Variants in TLK1 observed in about 807,000 individuals in gnomAD.
The protein encoded by TLK1 is serine/threonine-protein kinase tousled-like 1.
A neutral mutation model predicts 105.3 loss-of-function variants in TLK1; 24 were observed. That is an observed-to-expected ratio of 0.23 (90% CI 0.17 to 0.32). The LOEUF (loss-of-function observed/expected upper bound fraction) is 0.32, where lower values mean the gene tolerates loss of function less well. TLK1 is among the 10% of genes least tolerant of loss of function. The pLI is 1.00. For missense variants in TLK1, 558 were observed against 910.5 expected, an observed-to-expected ratio of 0.61 and a Z score of 4.98; for synonymous variants, 321 against 310.4, an observed-to-expected ratio of 1.03 and a Z score of -0.36.
intron 1 of TLK1, among the ~76,000 whole-genome samples, chr2:171,132,166 C>A (rs1478104951): frequency 6.6e-6 from 1 of 152,168 alleles, no homozygotes; most frequent in Non-Finnish European, 1.5e-5. Flanking sequence ...AGGAAACTTA[C>A]AATCATGGCC....
At chr2:171,119,765 C>T (rs1325722043) in intron 1 of TLK1, among the ~76,000 whole-genome samples, 1 of 152,138 alleles carries the variant, frequency 6.6e-6, no homozygotes, top group African/African-American at 2.4e-5. Context: ...AACTGGATAT[C>T]CACATGCAAA....
chr2:171,000,905 C>A (rs1040278765), intron 18 of TLK1, among the ~76,000 whole-genome samples: 2 of 152,162 alleles, frequency 1.3e-5, no homozygotes, highest in Non-Finnish European at 2.9e-5. Context: ...TCTCATCTGG[C>A]ACCAGTTTGG....
rs71008752 is a variant in TLK1 at position 171,123,057 on chromosome 2, TACACAC to T, written c.140-5206_140-5201del. Among the ~76,000 whole-genome samples the T allele has an allele frequency of 3.4e-3, 486 of 141,330 alleles. 4 individuals are homozygous for T. Among genetic ancestry groups the T allele is most frequent in the African/African-American group, 0.011 (422 of 38,634 alleles). 92.7% of individuals were successfully genotyped at this position (141,330 alleles called of 152,430 possible). On this transcript the variant is annotated intron_variant, in intron 1 of 20. Coordinates refer to ENST00000431350, the MANE Select transcript of TLK1 (RefSeq NM_012290.5). ...CTATATGAAAAAATAAATAAATAAA[TACACAC>T]ACACACACACACACACACACACACT...
At chr2:171,064,346 T>C (rs1417442785) in intron 3 of TLK1, among the ~76,000 whole-genome samples, 2 of 152,146 alleles carry the variant, frequency 1.3e-5, no homozygotes, top group Non-Finnish European at 2.9e-5. Flanking sequence ...TATTTTAATA[T>C]TGAGATTCCA....
At chr2:171,200,219 A>G (rs1465429815) in intron 1 of TLK1, among the ~76,000 whole-genome samples, 1 of 152,238 alleles carries the variant, frequency 6.6e-6, no homozygotes, top group African/African-American at 2.4e-5. Context: ...ACTATTTGTC[A>G]GCATTCCACA....
intron 1 of TLK1, among the ~76,000 whole-genome samples, chr2:171,120,248 G>GA (rs71008751): frequency 0.037 from 1,719 of 46,838 alleles, 27 homozygotes; most frequent in East Asian, 0.055. Context: ...GACTCCGTCA[G>GA]AAAAAAAAAA....
intron 1 of TLK1, among the ~76,000 whole-genome samples, chr2:171,134,725 CTTTTTTTT>C (rs572825171): frequency 9.6e-6 from 1 of 103,810 alleles, no homozygotes; most frequent in Non-Finnish European, 1.8e-5. Context: ...ACTATTTGGC[CTTTTTTTT>C]TTTTTTTTTT....
intron 11 of TLK1, among the ~76,000 whole-genome samples, chr2:171,038,890 T>C (rs1296550586): frequency 2.0e-5 from 3 of 152,218 alleles, no homozygotes; most frequent in Admixed American, 2.0e-4. Flanking sequence ...TTTGTAATGC[T>C]TTATTTTTAT....
intron 1 of TLK1, among the ~76,000 whole-genome samples, chr2:171,153,603 C>A (rs1229493268): frequency 6.6e-6 from 1 of 152,040 alleles, no homozygotes; most frequent in Non-Finnish European, 1.5e-5. Flanking sequence ...ATAAATAAAA[C>A]TATAATAAAA....
intron 3 of TLK1, among the ~76,000 whole-genome samples, chr2:171,074,259 G>T: frequency 6.6e-6 from 1 of 152,106 alleles, no homozygotes; most frequent in East Asian, 1.9e-4. Context: ...TTGCTTTCAA[G>T]ACATCATTAC....
At chr2:171,011,999 C>T (rs757673073) in intron 13 of TLK1, among the ~76,000 whole-genome samples, 9 of 151,576 alleles carry the variant, frequency 5.9e-5, no homozygotes, top group Non-Finnish European at 1.3e-4. Flanking sequence ...TAAAATTTAC[C>T]GTACTTGCCA....
intron 1 of TLK1, among the ~76,000 whole-genome samples, chr2:171,185,392 A>G (rs1171833360): frequency 6.6e-6 from 1 of 152,138 alleles, no homozygotes; most frequent in Non-Finnish European, 1.5e-5. Context: ...CATCTTCAAT[A>G]CAGAGTCCAA....
intron 1 of TLK1, among the ~76,000 whole-genome samples, chr2:171,170,555 A>G (rs993017744): frequency 6.6e-6 from 1 of 152,202 alleles, no homozygotes; most frequent in African/African-American, 2.4e-5. Flanking sequence ...TCCAGACAAA[A>G]GACTTAAGAG....
At chr2:171,021,433 C>CTTTTTTTTTTTTTTGTTTTTTTTTTTTTT (rs1685498502) in intron 12 of TLK1, among the ~76,000 whole-genome samples, 1 of 116,842 alleles carries the variant, frequency 8.6e-6, no homozygotes, top group African/African-American at 3.3e-5. Flanking sequence ...CCCGCCCCGA[C>CTTTTTTTTTTTTTTGTTTTTTTTTTTTTT]TTTTTTTTTT....
chr2:171,057,903 A>G (rs1687576664), intron 5 of TLK1, among the ~76,000 whole-genome samples: 1 of 152,070 alleles, frequency 6.6e-6, no homozygotes, highest in African/African-American at 2.4e-5. Flanking sequence ...CTGAAACACT[A>G]ATATGTATTT....
At chr2:171,035,097 T>A (rs1324848221) in intron 11 of TLK1, among the ~76,000 whole-genome samples, 1 of 152,028 alleles carries the variant, frequency 6.6e-6, no homozygotes, top group Non-Finnish European at 1.5e-5. Flanking sequence ...TCCCAGCACT[T>A]TGGGAAGCCG....
chr2:171,106,661 C>G (rs765437374), intron 2 of TLK1, among the ~76,000 whole-genome samples: 6 of 152,170 alleles, frequency 3.9e-5, no homozygotes, highest in Non-Finnish European at 8.8e-5. Context: ...TTGCTACCAG[C>G]AATTTGATCC....
chr2:171,174,345 T>C (rs1165610673), intron 1 of TLK1, among the ~76,000 whole-genome samples: 1 of 152,162 alleles, frequency 6.6e-6, no homozygotes, highest in Non-Finnish European at 1.5e-5. Flanking sequence ...TGACTCACCA[T>C]TCAAGATGCA....
At chr2:171,191,252 C>T (rs1414313599) in intron 1 of TLK1, among the ~76,000 whole-genome samples, 1 of 152,156 alleles carries the variant, frequency 6.6e-6, no homozygotes, top group Non-Finnish European at 1.5e-5. Context: ...AGGATCTGCC[C>T]TTATGGCTCA....
Sources: allele counts gnomAD v4.1 joint callset (sites outside exome capture counted in the v4.1 genomes callset), GRCh38; gene constraint gnomAD v4.1.1; transcripts MANE v1.5; gene names NCBI Gene and HGNC (gene_info 2026-07-23, HGNC 2026-07-21).